The following NGF variants were observed in gnomAD, a reference collection of about 807,000 sequenced individuals.
The protein encoded by NGF is nerve growth factor, also known as beta-nerve growth factor.
A neutral mutation model predicts 12.8 loss-of-function variants in NGF; 4 were observed. That is an observed-to-expected ratio of 0.31 (90% CI 0.15 to 0.72). NGF has a LOEUF of 0.72. Ranked by LOEUF, NGF falls within the 30% of genes least tolerant of loss-of-function variation. The pLI, the probability that NGF is intolerant of heterozygous loss-of-function variation, is 0.69. For synonymous variants in NGF, 140 were observed against 130.0 expected (o/e 1.08, Z -0.52); for missense variants, 283 against 330.8 (o/e 0.86, Z 1.12).
At chr1:115,302,989 C>T (rs2101034580) in intron 1 of NGF, among the ~76,000 whole-genome samples, 1 of 152,292 alleles carries the variant, frequency 6.6e-6, no homozygotes, top group Admixed American at 6.5e-5. Context: ...TTCAACTTTT[C>T]CTTCTTTCCA....
At chr1:115,325,366 T>C (rs1375609792) in intron 1 of NGF, among the ~76,000 whole-genome samples, 1 of 152,120 alleles carries the variant, frequency 6.6e-6, no homozygotes, top group Admixed American at 6.5e-5. Context: ...GATGATTTTT[T>C]TGTTGCAGGT....
intron 1 of NGF, among the ~76,000 whole-genome samples, chr1:115,310,833 G>A (rs76790788): frequency 0.045 from 6,290 of 141,336 alleles, 368 homozygotes; most frequent in East Asian, 0.13. Context: ...TATTGGTTGT[G>A]TTTATCCCAG....
At chr1:115,299,075 G>A (rs1034981580) in intron 1 of NGF, among the ~76,000 whole-genome samples, 3 of 151,990 alleles carry the variant, frequency 2.0e-5, no homozygotes, top group Admixed American at 6.5e-5. Flanking sequence ...TTTTTTGAGG[G>A]AAAAATCAAC....
intron 1 of NGF, among the ~76,000 whole-genome samples, chr1:115,320,887 G>C (rs1654606098): frequency 6.6e-6 from 1 of 152,240 alleles, no homozygotes; most frequent in Non-Finnish European, 1.5e-5. Context: ...CAGGTTAGAA[G>C]TGTGGCCTCA....
At chr1:115,300,743 T>C (rs1222763132) in intron 1 of NGF, among the ~76,000 whole-genome samples, 2 of 152,248 alleles carry the variant, frequency 1.3e-5, no homozygotes, top group African/African-American at 4.8e-5. Context: ...ATGCAAATCC[T>C]AGGTAACCTG....
chr1:115,336,395 G>C (rs1296770518), intron 1 of NGF, among the ~76,000 whole-genome samples: 1 of 152,156 alleles, frequency 6.6e-6, no homozygotes, highest in Non-Finnish European at 1.5e-5. Context: ...GGGAAAGAGT[G>C]GGGTAGGAGT....
intron 1 of NGF, among the ~76,000 whole-genome samples, chr1:115,313,735 C>A (rs1042136206): frequency 6.6e-6 from 1 of 152,088 alleles, no homozygotes; most frequent in African/African-American, 2.4e-5. Context: ...CATTCTATTG[C>A]CATGAGGATA....
chr1:115,319,455 T>A (rs1209111826), intron 1 of NGF, among the ~76,000 whole-genome samples: 1 of 152,158 alleles, frequency 6.6e-6, no homozygotes, highest in East Asian at 1.9e-4. Context: ...ACACACAGTT[T>A]GGAAACAAAG....
intron 1 of NGF, among the ~76,000 whole-genome samples, chr1:115,312,441 T>G (rs991993920): frequency 6.6e-6 from 1 of 152,134 alleles, no homozygotes; most frequent in Non-Finnish European, 1.5e-5. Context: ...ATAAACAATA[T>G]AGCAGAAGTG....
At chr1:115,308,802 G>C (rs1319805788) in intron 1 of NGF, among the ~76,000 whole-genome samples, 1 of 152,238 alleles carries the variant, frequency 6.6e-6, no homozygotes, top group African/African-American at 2.4e-5. Context: ...AGCACTTAAA[G>C]AGTAAGGGTG....
At chr1:115,313,933 A>G (rs1654402378) in intron 1 of NGF, among the ~76,000 whole-genome samples, 1 of 152,102 alleles carries the variant, frequency 6.6e-6, no homozygotes, top group African/African-American at 2.4e-5. Flanking sequence ...AATTGGTACA[A>G]CTCAGGCTGC....
chr1:115,318,782 G>C (rs1654539958), intron 1 of NGF, among the ~76,000 whole-genome samples: 1 of 152,010 alleles, frequency 6.6e-6, no homozygotes, highest in African/African-American at 2.4e-5. Flanking sequence ...CATTTCCCCT[G>C]AGCCCACTCC....
At chr1:115,310,864 G>T (rs898092062) in intron 1 of NGF, among the ~76,000 whole-genome samples, 1 of 152,080 alleles carries the variant, frequency 6.6e-6, no homozygotes, top group African/African-American at 2.4e-5. Flanking sequence ...AAGGGGTGTG[G>T]GGTGTGGGGA....
At chr1:115,315,528 G>A (rs1184100936) in intron 1 of NGF, among the ~76,000 whole-genome samples, 1 of 152,178 alleles carries the variant, frequency 6.6e-6, no homozygotes, top group Non-Finnish European at 1.5e-5. Context: ...GATTTACTGA[G>A]ATGGAGAACA....
At chr1:115,289,241 G>A (rs1653609877) in intron 2 of NGF, among the ~76,000 whole-genome samples, 1 of 151,780 alleles carries the variant, frequency 6.6e-6, no homozygotes, top group African/African-American at 2.4e-5. Flanking sequence ...TGTTCTTCTC[G>A]GTACATAATA....
chr1:115,317,187 C>T (rs146399878), intron 1 of NGF, among the ~76,000 whole-genome samples: 120 of 151,834 alleles, frequency 7.9e-4, no homozygotes, highest in Middle Eastern at 3.5e-3. Flanking sequence ...AATGTGATGG[C>T]GCTTGCGTGG....
chr1:115,288,753 G>A (rs568993496), intron 2 of NGF, among the ~76,000 whole-genome samples: 4 of 152,264 alleles, frequency 2.6e-5, no homozygotes, highest in South Asian at 4.1e-4. Flanking sequence ...GCCAGTTGCC[G>A]TGTCTGGCAT....
At chr1:115,288,645 C>T (rs1211274316) in intron 2 of NGF, among the ~76,000 whole-genome samples, 2 of 152,292 alleles carry the variant, frequency 1.3e-5, no homozygotes, top group Non-Finnish European at 2.9e-5. Flanking sequence ...TTGTGCATAA[C>T]CCTATCACCT....
chr1:115,319,950 G>A (rs1654573711), intron 1 of NGF, among the ~76,000 whole-genome samples: 1 of 152,170 alleles, frequency 6.6e-6, no homozygotes, highest in African/African-American at 2.4e-5. Flanking sequence ...GGGTGGCGAA[G>A]ACCACAAGAA....
Sources: gnomAD v4.1 joint callset for allele counts (sites outside exome capture counted in the v4.1 genomes callset) on GRCh38, gnomAD v4.1.1 for gene constraint, MANE v1.5 for transcripts, NCBI Gene and HGNC (gene_info 2026-07-23, HGNC 2026-07-21) for gene names.